CAMK2A: variants seen among roughly 807,000 people sequenced by gnomAD.
CAMK2A encodes calcium/calmodulin dependent protein kinase II alpha.
Under a neutral mutation model 79.2 loss-of-function variants are expected in CAMK2A, and 7 were observed. The ratio of observed to expected loss-of-function variants is 0.09; its 90% CI spans 0.05 to 0.17. The LOEUF (loss-of-function observed/expected upper bound fraction) is 0.17, where lower values mean the gene tolerates loss of function less well. Among genes scored for constraint, CAMK2A ranks in the 10% least tolerant of loss-of-function variants. The probability of loss-of-function intolerance (pLI) is 1.00; values close to 1 mark genes in which losing one functional copy is unlikely to be tolerated. For synonymous variants in CAMK2A, 242 were observed against 251.7 expected (o/e 0.96, Z 0.36); for missense variants, 214 against 646.4 (o/e 0.33, Z 7.25).
intron 13 of CAMK2A, among the ~76,000 whole-genome samples, chr5:150,242,930 G>T (rs1391854262): frequency 6.6e-6 from 1 of 152,182 alleles, no homozygotes; most frequent in East Asian, 1.9e-4. Flanking sequence ...AGAGATGGTT[G>T]GGCCAGGAGT....
chr5:150,278,367 T>G (rs1340591325), intron 1 of CAMK2A, among the ~76,000 whole-genome samples: 1 of 150,854 alleles, frequency 6.6e-6, no homozygotes, highest in African/African-American at 2.4e-5. Context: ...CTCCCTTTTT[T>G]ATCTTCTGTT....
rs538665831 is a variant in CAMK2A at position 150,269,979 on chromosome 5, C to T, written c.157+3086G>A. ...TGGGGAGCCGAGGAAGTGACCCCCT[C>T]ATGCTCGAGCTGGAGAGTGGGGCCT... is the stretch of plus-strand genomic sequence containing the variant. On this transcript the variant is annotated intron_variant, in intron 2 of 18. Coordinates refer to ENST00000671881, the MANE Select transcript of CAMK2A (RefSeq NM_015981.4). 2.6e-5 allele frequency among the ~76,000 whole-genome samples: 4 copies of T among 152,312 alleles called. No homozygotes were observed. The East Asian group carries it at 7.7e-4, about 29-fold the overall frequency.
chr5:150,251,904 A>G, intron 8 of CAMK2A, 60 bp from the exon 9 acceptor site: 12 of 1,536,862 alleles, frequency 7.8e-6, no homozygotes, highest in Non-Finnish European at 1.1e-5. Flanking sequence ...GGGGGAGGGG[A>G]GTGATGGGAA....
chr5:150,266,863 C>T (rs13360478), intron 2 of CAMK2A, among the ~76,000 whole-genome samples: 2,014 of 152,132 alleles, frequency 0.013, 48 homozygotes, highest in African/African-American at 0.047. Flanking sequence ...GGCAGGTATG[C>T]GGGTGGGGGG....
At chr5:150,247,939 C>G in intron 11 of CAMK2A, 125 bp from the exon 12 acceptor site, 1 of 751,656 alleles carries the variant, frequency 1.3e-6, no homozygotes, top group Non-Finnish European at 2.3e-6. Context: ...GAAGCCAAAG[C>G]CTCTGCCCTG....
intron 11 of CAMK2A, among the ~76,000 whole-genome samples, chr5:150,249,942 G>C (rs140088760): frequency 1.3e-5 from 2 of 152,250 alleles, no homozygotes; most frequent in African/African-American, 4.8e-5. Context: ...GAATACCATT[G>C]TCCTGCTGCA....
intron 16 of CAMK2A, 27 bp from the exon 17 acceptor site, chr5:150,228,313 G>A (rs778064967): frequency 6.4e-7 from 1 of 1,568,546 alleles, no homozygotes; most frequent in African/African-American, 1.4e-5. Flanking sequence ...AGAGGGAAGA[G>A]GGACTGGGGC....
intron 14 of CAMK2A, 90 bp downstream of exon 14, chr5:150,239,614 C>A: frequency 8.1e-7 from 1 of 1,237,062 alleles, no homozygotes; most frequent in Non-Finnish European, 1.2e-6. Flanking sequence ...TCTCCCCGCC[C>A]CAGGTTCCCA....
chr5:150,242,480 C>T (rs917448741), intron 13 of CAMK2A, among the ~76,000 whole-genome samples: 3 of 152,186 alleles, frequency 2.0e-5, no homozygotes, highest in African/African-American at 7.2e-5. Flanking sequence ...AGTTAAGCCC[C>T]GGATGAAATG....
intron 2 of CAMK2A, 137 bp from the exon 3 acceptor site, chr5:150,265,152 G>C: frequency 1.5e-6 from 1 of 689,420 alleles, no homozygotes. Flanking sequence ...TTCTGGCCAG[G>C]GCCTCTGAGT....
rs137881750 is a variant in CAMK2A, at chr5:150,284,720, G to A, written c.62+4844C>T. Among the ~76,000 whole-genome samples, 375 of 152,268 alleles carry A rather than the reference G, an allele frequency of 2.5e-3. 1 individual carries two copies. Among genetic ancestry groups the A allele is most frequent in the Middle Eastern group, 0.01 (3 of 294 alleles). The stretch of plus-strand genomic sequence containing the variant: ...TCCCATCCTTTGGCCTCTGGTCCCT[G>A]CACGTCATCTAGTCCCCTAGCCTGG... On this transcript the variant is annotated intron_variant, in intron 1 of 18. Coordinates refer to ENST00000671881, the MANE Select transcript of CAMK2A (RefSeq NM_015981.4). This position sits in a 1 kb window ranked among gnomAD's most constrained non-coding sequence, Gnocchi z 5.3.
chr5:150,237,006 C>T (rs6579783), intron 15 of CAMK2A, among the ~76,000 whole-genome samples: 1 of 152,230 alleles, frequency 6.6e-6, no homozygotes, highest in Non-Finnish European at 1.5e-5. Flanking sequence ...CCTCCTGCCT[C>T]AGCCTCCTGA....
chr5:150,261,211 T>C (rs1756291696), intron 3 of CAMK2A, among the ~76,000 whole-genome samples: 1 of 150,358 alleles, frequency 6.7e-6, no homozygotes, highest in South Asian at 2.1e-4. Context: ...AAGGGGCACA[T>C]GGGTTGGAAT....
chr5:150,281,721 G>A (rs1757224651), intron 1 of CAMK2A, among the ~76,000 whole-genome samples: 1 of 152,196 alleles, frequency 6.6e-6, no homozygotes, highest in Non-Finnish European at 1.5e-5. Context: ...TGTGCATTTT[G>A]GAAGGGGGAG....
chr5:150,230,663 G>T (rs565151822), intron 16 of CAMK2A, among the ~76,000 whole-genome samples: 2 of 152,372 alleles, frequency 1.3e-5, no homozygotes, highest in South Asian at 4.1e-4. Context: ...GGAAAGGTGT[G>T]AGTGAACAGC....
chr5:150,276,386 T>G (rs527913676), intron 1 of CAMK2A, among the ~76,000 whole-genome samples: 1 of 152,252 alleles, frequency 6.6e-6, no homozygotes, highest in East Asian at 1.9e-4. Flanking sequence ...TCCATGAGTG[T>G]TACTTGCAGG....
intron 16 of CAMK2A, among the ~76,000 whole-genome samples, chr5:150,229,872 CAT>C (rs755438713): frequency 1.1e-4 from 17 of 152,238 alleles, no homozygotes; most frequent in Admixed American, 3.3e-4. Flanking sequence ...AACGTGCACA[CAT>C]GTGTACAAGT....
intron 17 of CAMK2A, among the ~76,000 whole-genome samples, chr5:150,225,586 C>T (rs958016570): frequency 6.6e-6 from 1 of 152,090 alleles, no homozygotes; most frequent in Non-Finnish European, 1.5e-5. Flanking sequence ...TAGCCTGGTC[C>T]CTGCTTTGTG....
At chr5:150,242,331 C>T (rs1755383316) in intron 13 of CAMK2A, among the ~76,000 whole-genome samples, 1 of 152,146 alleles carries the variant, frequency 6.6e-6, no homozygotes, top group Admixed American at 6.5e-5. Flanking sequence ...CATGTGGAAG[C>T]ATGGTTCTAA....
Sources: allele counts gnomAD v4.1 joint callset (sites outside exome capture counted in the v4.1 genomes callset), GRCh38; gene constraint gnomAD v4.1.1; non-coding constraint Gnocchi (gnomAD v3.1); transcripts MANE v1.5; gene names NCBI Gene and HGNC (gene_info 2026-07-23, HGNC 2026-07-21).